MAGI3: variants seen among roughly 807,000 people sequenced by gnomAD.
MAGI3 encodes the protein membrane-associated guanylate kinase, WW and PDZ domain-containing protein 3.
In MAGI3, 43 loss-of-function variants were observed where a neutral mutation model predicts 121.8. That is an observed-to-expected ratio of 0.35 (90% CI 0.28 to 0.46). The LOEUF is 0.46. Ranked by LOEUF, MAGI3 falls within the 20% of genes least tolerant of loss-of-function variation. The pLI is 1.00. For missense variants in MAGI3, 1,547 were observed against 1,797.3 expected (o/e 0.86, Z 2.52); for synonymous variants, 553 against 639.3 (o/e 0.86, Z 2.04).
intron 20 of MAGI3, among the ~76,000 whole-genome samples, chr1:113,681,912 T>C (rs1351069456): frequency 1.3e-5 from 2 of 152,192 alleles, no homozygotes; most frequent in Non-Finnish European, 2.9e-5. Context: ...AATATCATGG[T>C]ATTTGAAAGT....
intron 7 of MAGI3, among the ~76,000 whole-genome samples, chr1:113,619,318 C>A (rs1410612502): frequency 1.3e-5 from 2 of 152,164 alleles, no homozygotes; most frequent in Non-Finnish European, 2.9e-5. Context: ...GGATTCTATA[C>A]ACAAATTTCT....
chr1:113,401,387 C>T (rs1651392911), intron 1 of MAGI3, among the ~76,000 whole-genome samples: 1 of 152,000 alleles, frequency 6.6e-6, no homozygotes, highest in Non-Finnish European at 1.5e-5. Flanking sequence ...GAGTTTGTGG[C>T]CGTGCAGTTT....
chr1:113,637,322 C>T (rs1371857317), intron 9 of MAGI3, among the ~76,000 whole-genome samples: 3 of 152,164 alleles, frequency 2.0e-5, no homozygotes, highest in Non-Finnish European at 4.4e-5. Flanking sequence ...TTCTTCCTAG[C>T]CTCGATGGTC....
chr1:113,401,929 T>G (rs1651426268), intron 1 of MAGI3, among the ~76,000 whole-genome samples: 1 of 152,206 alleles, frequency 6.6e-6, no homozygotes, highest in African/African-American at 2.4e-5. Context: ...TTGGAACCTC[T>G]TATTCTTTAA....
intron 16 of MAGI3, among the ~76,000 whole-genome samples, chr1:113,667,771 A>G (rs34110005): frequency 6.6e-6 from 1 of 152,208 alleles, no homozygotes; most frequent in Non-Finnish European, 1.5e-5. Context: ...AGTGAGAGAT[A>G]TGCAACTCTT....
intron 4 of MAGI3, among the ~76,000 whole-genome samples, chr1:113,586,117 G>T (rs1023650218): frequency 3.3e-5 from 5 of 152,162 alleles, no homozygotes; most frequent in African/African-American, 1.2e-4. Context: ...ATTCAGTGGT[G>T]AAGAATCTGC....
chr1:113,512,289 C>T (rs1657653792), intron 1 of MAGI3, among the ~76,000 whole-genome samples: 2 of 152,124 alleles, frequency 1.3e-5, no homozygotes, highest in South Asian at 2.1e-4. Context: ...AATGTTTAGA[C>T]CTCTCTTAGC....
At chr1:113,442,618 G>A (rs572346011) in intron 1 of MAGI3, among the ~76,000 whole-genome samples, 3 of 151,630 alleles carry the variant, frequency 2.0e-5, no homozygotes, top group South Asian at 4.2e-4. Context: ...TATATGTCAT[G>A]TATACAATGA....
intron 1 of MAGI3, among the ~76,000 whole-genome samples, chr1:113,481,796 A>T (rs1656129563): frequency 6.6e-6 from 1 of 152,168 alleles, no homozygotes; most frequent in Non-Finnish European, 1.5e-5. Context: ...AACAACACAA[A>T]TTTCTTAAAT....
Position 113,642,092 on chromosome 1 carries a change from C to T in MAGI3, c.1542C>T (p.Ile514=), listed in dbSNP as rs1652575709. The T allele has an allele frequency of 2.5e-6, 4 of 1,613,996 alleles. No homozygotes were observed. Among genetic ancestry groups the T allele is most frequent in the Admixed American group, 1.7e-5 (1 of 59,994 alleles). The change falls in exon 10 of 21, where the codon ATC becomes ATT. Residue 514 remains isoleucine, a synonymous_variant. Coordinates refer to ENST00000307546, the MANE Select transcript of MAGI3 (RefSeq NM_001142782.2). The part of the protein sequence containing the change: ...VVDIVAATPV[I]NGQSLTKGET... ...ACATTGTTGCTGCTACCCCTGTCATCAATGGACAGTCATTAACCAAGGGAG... is the reference window on the plus strand; with the variant it reads ...ACATTGTTGCTGCTACCCCTGTCATTAATGGACAGTCATTAACCAAGGGAG...
At chr1:113,483,095 C>A (rs1186482083) in intron 1 of MAGI3, among the ~76,000 whole-genome samples, 1 of 152,150 alleles carries the variant, frequency 6.6e-6, no homozygotes, top group Non-Finnish European at 1.5e-5. Context: ...AGATGTGAGC[C>A]AATGTACCCA....
intron 15 of MAGI3, among the ~76,000 whole-genome samples, chr1:113,657,442 A>G (rs1280572114): frequency 6.6e-6 from 1 of 152,200 alleles, no homozygotes; most frequent in Non-Finnish European, 1.5e-5. Flanking sequence ...ACCATGCACC[A>G]ATTCTTTTTA....
At chr1:113,591,648 T>C (rs1648698267) in intron 5 of MAGI3, among the ~76,000 whole-genome samples, 1 of 152,160 alleles carries the variant, frequency 6.6e-6, no homozygotes, top group Non-Finnish European at 1.5e-5. Context: ...TATATAAACA[T>C]TCATCACCAC....
chr1:113,657,252 G>A (rs1033094857), intron 15 of MAGI3, among the ~76,000 whole-genome samples: 1 of 152,178 alleles, frequency 6.6e-6, no homozygotes, highest in African/African-American at 2.4e-5. Flanking sequence ...TGAACTCTAA[G>A]GGGTTACCTT....
At position 113,679,924 on chromosome 1, in the gene MAGI3, C is replaced by T. The variant is rs576537836; in HGVS notation, c.3190-1274C>T. Reference sequence around the variant, plus strand: ...TTCTCCATGTTGGTCAGGCTGGTCTCGAACTCCCGACCTCAGGTGATCCAC... The same window carrying T: ...TTCTCCATGTTGGTCAGGCTGGTCTTGAACTCCCGACCTCAGGTGATCCAC... On this transcript the variant is annotated intron_variant, in intron 19 of 20. Coordinates refer to ENST00000307546, the MANE Select transcript of MAGI3 (RefSeq NM_001142782.2). Among the ~76,000 whole-genome samples, 21 of 152,182 alleles carry T rather than the reference C, an allele frequency of 1.4e-4. No individual in the cohort carries two copies. The Middle Eastern group carries it at 0.01, about 74-fold the overall frequency.
At chr1:113,458,225 G>A (rs1388866322) in intron 1 of MAGI3, among the ~76,000 whole-genome samples, 4 of 152,214 alleles carry the variant, frequency 2.6e-5, no homozygotes. Context: ...TTGGGTCCAG[G>A]TGGGTGCAAT....
chr1:113,530,304 A>G (rs1658643948), intron 1 of MAGI3, among the ~76,000 whole-genome samples: 1 of 150,848 alleles, frequency 6.6e-6, no homozygotes, highest in Non-Finnish European at 1.5e-5. Flanking sequence ...TAGCTCATCT[A>G]AAACTTCCTA....
chr1:113,640,926 T>A (rs536882260), intron 9 of MAGI3, among the ~76,000 whole-genome samples: 80,350 of 116,460 alleles, frequency 0.69, 26,963 homozygotes, highest in African/African-American at 0.78. Context: ...TGATATATTT[T>A]ATATATCATA....
intron 1 of MAGI3, among the ~76,000 whole-genome samples, chr1:113,425,589 A>G (rs1652966763): frequency 6.6e-6 from 1 of 151,958 alleles, no homozygotes; most frequent in South Asian, 2.1e-4. Flanking sequence ...CAGCCTACAA[A>G]TTCAATTTTT....
Sources: gnomAD v4.1 joint callset for allele counts (sites outside exome capture counted in the v4.1 genomes callset) on GRCh38, gnomAD v4.1.1 for gene constraint, MANE v1.5 for transcripts, NCBI Gene and HGNC (gene_info 2026-07-23, HGNC 2026-07-21) for gene names.